Variants in MYO3B observed in about 807,000 individuals in gnomAD.
MYO3B encodes myosin-IIIb.
Under a neutral mutation model 174.6 loss-of-function variants are expected in MYO3B, and 156 were observed. The observed-to-expected ratio is 0.89, with a 90% CI of 0.78 to 1.02. The LOEUF (loss-of-function observed/expected upper bound fraction) is 1.02, where lower values mean the gene tolerates loss of function less well. MYO3B is among the 50% of genes least tolerant of loss of function. MYO3B has a pLI of 0.00. For missense variants in MYO3B, 1,632 were observed against 1,639.4 expected, an observed-to-expected ratio of 1.00 and a Z score of 0.08; for synonymous variants, 563 against 569.1, an observed-to-expected ratio of 0.99 and a Z score of 0.15.
chr2:170,290,805 A>G (rs890155561), intron 7 of MYO3B, among the ~76,000 whole-genome samples: 1 of 149,236 alleles, frequency 6.7e-6, no homozygotes, highest in Non-Finnish European at 1.5e-5. Context: ...AGTATGTTTT[A>G]CTCTTTTGCT....
intron 19 of MYO3B, 28 bp from the exon 20 acceptor site, chr2:170,404,219 G>T: frequency 6.3e-7 from 1 of 1,575,500 alleles, no homozygotes; most frequent in South Asian, 1.2e-5. Flanking sequence ...TTTTGGGCTG[G>T]AGAGAATCAC....
At chr2:170,387,365 T>A (rs2094384223) in intron 14 of MYO3B, 57 bp downstream of exon 14, 13 of 1,522,980 alleles carry the variant, frequency 8.5e-6, no homozygotes, top group Non-Finnish European at 1.2e-5. Flanking sequence ...TGGGAGACTT[T>A]GGAAATTTTA....
intron 7 of MYO3B, among the ~76,000 whole-genome samples, chr2:170,256,403 A>T (rs2093305079): frequency 6.6e-6 from 1 of 152,208 alleles, no homozygotes; most frequent in African/African-American, 2.4e-5. Context: ...CAGACCACTT[A>T]CAAAGGGAAC....
chr2:170,511,069 T>TG (rs1209599543), intron 28 of MYO3B, among the ~76,000 whole-genome samples: 4 of 151,400 alleles, frequency 2.6e-5, no homozygotes, highest in African/African-American at 4.8e-5. Context: ...TTGTTTTTTT[T>TG]TTTTTTTTGA....
intron 32 of MYO3B, among the ~76,000 whole-genome samples, chr2:170,597,844 T>C (rs1169452995): frequency 6.6e-6 from 1 of 152,146 alleles, no homozygotes; most frequent in Non-Finnish European, 1.5e-5. Flanking sequence ...CACATTCTAA[T>C]ACAATGAATT....
chr2:170,262,130 A>G (rs770051468), intron 7 of MYO3B, among the ~76,000 whole-genome samples: 1 of 152,204 alleles, frequency 6.6e-6, no homozygotes, highest in Non-Finnish European at 1.5e-5. Context: ...ATTAATTTTG[A>G]CCAAGGAGAT....
intron 23 of MYO3B, among the ~76,000 whole-genome samples, chr2:170,452,016 C>T (rs1254103513): frequency 1.3e-5 from 2 of 152,146 alleles, no homozygotes; most frequent in African/African-American, 4.8e-5. Context: ...ATGGGAGTCT[C>T]ATCTCTCAGT....
chr2:170,333,972 T>G (rs887585701), intron 7 of MYO3B: 1 of 152,158 alleles, frequency 6.6e-6, no homozygotes, highest in African/African-American at 2.4e-5. Context: ...TAAGGAAGAT[T>G]AGGGGGAAGC....
chr2:170,303,027 A>G (rs1466802605), intron 7 of MYO3B, among the ~76,000 whole-genome samples: 1 of 152,224 alleles, frequency 6.6e-6, no homozygotes. Context: ...TAAAAGGCAC[A>G]TACCATATAT....
At chr2:170,638,201 A>G (rs1006818424) in intron 32 of MYO3B, among the ~76,000 whole-genome samples, 52 of 152,024 alleles carry the variant, frequency 3.4e-4, no homozygotes, top group Non-Finnish European at 6.6e-4. Context: ...ATGTGTAAAA[A>G]TATTTTATAA....
At chr2:170,333,607 A>G (rs16858164) in intron 7 of MYO3B, among the ~76,000 whole-genome samples, 12,681 of 152,002 alleles carry the variant, frequency 0.083, 1,224 homozygotes, top group African/African-American at 0.24. Context: ...AGCCTCAACA[A>G]ATTAGGTTTT....
intron 32 of MYO3B, among the ~76,000 whole-genome samples, chr2:170,602,951 C>T (rs1216722996): frequency 5.9e-5 from 9 of 151,992 alleles, no homozygotes; most frequent in Non-Finnish European, 1.3e-4. Context: ...GCGTGTAGTC[C>T]CAGCTACTCA....
At chr2:170,261,661 C>T (rs2093346884) in intron 7 of MYO3B, among the ~76,000 whole-genome samples, 1 of 152,152 alleles carries the variant, frequency 6.6e-6, no homozygotes. Context: ...ATGAAGTGTA[C>T]ACAGTATAAA....
Position 170,219,794 on chromosome 2 carries a change from GAAAGCATAACTAAGGTCACTC to G in MYO3B, c.603+2402_603+2422del, listed in dbSNP as rs201562181. ...TGTAGATTTAGATCTGTTCTGAAAG[GAAAGCATAACTAAGGTCACTC>G]AACTAATATTTGGGGTGATATAACA... On this transcript the variant is annotated intron_variant, in intron 6 of 34. Coordinates refer to ENST00000408978, the MANE Select transcript of MYO3B (RefSeq NM_138995.5). Among the ~76,000 whole-genome samples, 429 of 152,308 alleles carry G rather than the reference GAAAGCATAACTAAGGTCACTC, an allele frequency of 2.8e-3. 10 individuals are homozygous for G. Among genetic ancestry groups the G allele is most frequent in the Admixed American group, 0.022 (330 of 15,298 alleles).
intron 32 of MYO3B, among the ~76,000 whole-genome samples, chr2:170,639,341 A>T (rs1272808855): frequency 6.6e-6 from 1 of 152,150 alleles, no homozygotes; most frequent in Non-Finnish European, 1.5e-5. Flanking sequence ...TTAAAAGCTG[A>T]GTTAATGCTG....
intron 25 of MYO3B, among the ~76,000 whole-genome samples, chr2:170,474,488 G>A (rs1175052732): frequency 6.6e-6 from 1 of 151,852 alleles, no homozygotes; most frequent in Non-Finnish European, 1.5e-5. Context: ...TGTAATCCCA[G>A]CACTTTGGGA....
chr2:170,640,796 C>A (rs923482780), intron 32 of MYO3B: 1 of 151,834 alleles, frequency 6.6e-6, no homozygotes, highest in African/African-American at 2.4e-5. Context: ...TCACTTTCAC[C>A]GTATTTACTA....
At chr2:170,636,964 G>GTGTC (rs1366983578) in intron 32 of MYO3B, among the ~76,000 whole-genome samples, 2 of 149,486 alleles carry the variant, frequency 1.3e-5, no homozygotes, top group African/African-American at 5.0e-5. Context: ...GTGCGTGTGT[G>GTGTC]TGTGTGTGTG....
chr2:170,264,627 A>G (rs964367505), intron 7 of MYO3B, among the ~76,000 whole-genome samples: 3 of 152,210 alleles, frequency 2.0e-5, no homozygotes, highest in African/African-American at 2.4e-5. Flanking sequence ...AGCTGACATA[A>G]TATCAGTGTT....
Sources: gnomAD v4.1 joint callset for allele counts (sites outside exome capture counted in the v4.1 genomes callset) on GRCh38, gnomAD v4.1.1 for gene constraint, MANE v1.5 for transcripts, NCBI Gene and HGNC (gene_info 2026-07-23, HGNC 2026-07-21) for gene names.